The following VAPB variants were observed in gnomAD, a reference collection of about 807,000 sequenced individuals.
VAPB encodes the protein vesicle-associated membrane protein-associated protein B/C.
Under a neutral mutation model 25.6 loss-of-function variants are expected in VAPB, and 7 were observed. The observed-to-expected ratio is 0.27, with a 90% CI of 0.16 to 0.51. VAPB has a LOEUF of 0.51. VAPB is among the 20% of genes least tolerant of loss of function. The pLI, the probability that VAPB is intolerant of heterozygous loss-of-function variation, is 0.97. For synonymous variants in VAPB, 112 were observed against 109.2 expected, an observed-to-expected ratio of 1.03 and a Z score of -0.16; for missense variants, 266 against 301.3, an observed-to-expected ratio of 0.88 and a Z score of 0.87.
intron 2 of VAPB, among the ~76,000 whole-genome samples, chr20:58,429,306 A>T (rs891113638): frequency 6.6e-6 from 1 of 152,202 alleles, no homozygotes; most frequent in Non-Finnish European, 1.5e-5. Flanking sequence ...ATCTGTGTAT[A>T]TATCTCCTCA....
intron 1 of VAPB, among the ~76,000 whole-genome samples, chr20:58,392,180 C>G (rs183801426): frequency 6.6e-6 from 1 of 152,208 alleles, no homozygotes; most frequent in Non-Finnish European, 1.5e-5. Flanking sequence ...GGATGATGCT[C>G]GTGTCCACGT....
At chr20:58,422,098 A>G (rs1027276498) in intron 2 of VAPB, among the ~76,000 whole-genome samples, 1 of 152,212 alleles carries the variant, frequency 6.6e-6, no homozygotes, top group African/African-American at 2.4e-5. Context: ...GGGCTTTCCC[A>G]AAGAGTTGCT....
intron 1 of VAPB, among the ~76,000 whole-genome samples, chr20:58,397,459 C>T (rs185199949): frequency 9.3e-5 from 14 of 150,720 alleles, no homozygotes; most frequent in Admixed American, 2.0e-4. Context: ...ACGGAGGTTG[C>T]GGTGAGCCGA....
chr20:58,397,388 G>A lies in VAPB; in HGVS notation c.58+7871G>A, dbSNP rs552217457. On this transcript the variant is annotated intron_variant, in intron 1 of 5. Coordinates refer to ENST00000475243, the MANE Select transcript of VAPB (RefSeq NM_004738.5). Reference sequence around the variant, plus strand: ...TACAAAATTAGCCGGGCATGGTAGCGCATGCCTGTAATCCCAGCTACTTGG... The same window carrying A: ...TACAAAATTAGCCGGGCATGGTAGCACATGCCTGTAATCCCAGCTACTTGG... 4.0e-5 allele frequency among the ~76,000 whole-genome samples: 6 copies of A among 151,750 alleles called. No individual in the cohort carries two copies. The East Asian group carries it at 5.8e-4, about 15-fold the overall frequency.
rs757341752 is a variant in VAPB at position 58,449,438 on chromosome 20, T to G, written c.*5203T>G. 1 of 450,730 alleles carries G rather than the reference T, an allele frequency of 2.2e-6. No individual in the cohort carries two copies. The allele number at this position is 450,730 out of a possible 1,614,324, so 27.9% of individuals were successfully genotyped here. A position where few individuals can be genotyped will look rare whatever the true frequency, so the allele number is the denominator to read the frequency against. On this transcript the variant is annotated 3_prime_UTR_variant, in exon 6 of 6. Coordinates refer to ENST00000475243, the MANE Select transcript of VAPB (RefSeq NM_004738.5). ...AGGTTGTCTTCATGAATATAATTAC[T>G]TGAGATTTTTTTTTCTTAATGGAAT...
At position 58,418,277 on chromosome 20, in the gene VAPB, T is replaced by C. The variant is rs1157908324; in HGVS notation, c.125T>C (p.Phe42Ser). ...AACCCGACAGACCGAAATGTGTGTT[T>C]TAAGGTGAAGACTACAGCACCACGT... ...LGNPTDRNVC[F>S]KVKTTAPRRY... The change falls in exon 2 of 6, where the codon TTT becomes TCT. Residue 42 changes from phenylalanine (F) to serine (S), a missense_variant. By Grantham distance (155) the Phe-to-Ser change is radical. This residue lies in a region of VAPB where 98 missense variants were observed against 147.1 expected (regional missense o/e 0.67). Transcript: ENST00000475243. 6.2e-7 allele frequency: 1 copy of C among 1,614,082 alleles called. No individual in the cohort carries two copies. Among genetic ancestry groups the C allele is most frequent in the Non-Finnish European group, 8.5e-7 (1 of 1,180,038 alleles).
intron 1 of VAPB, among the ~76,000 whole-genome samples, chr20:58,402,955 A>G (rs1988134754): frequency 6.6e-6 from 1 of 152,160 alleles, no homozygotes; most frequent in Non-Finnish European, 1.5e-5. Flanking sequence ...CAGTGAGTCA[A>G]AATTATGCCA....
chr20:58,390,959 G>GA (rs1279306743), intron 1 of VAPB, among the ~76,000 whole-genome samples: 2 of 152,158 alleles, frequency 1.3e-5, no homozygotes, highest in African/African-American at 2.4e-5. Context: ...CAATTAAAAT[G>GA]AAAAAACCGA....
chr20:58,414,817 C>G (rs946603785), intron 1 of VAPB, among the ~76,000 whole-genome samples: 9 of 152,256 alleles, frequency 5.9e-5, no homozygotes, highest in African/African-American at 2.2e-4. Flanking sequence ...ACTTCCCAGA[C>G]GGGGTGGCGG....
intron 1 of VAPB, among the ~76,000 whole-genome samples, chr20:58,414,421 C>T (rs1389162904): frequency 1.3e-5 from 2 of 148,608 alleles, no homozygotes; most frequent in African/African-American, 2.5e-5. Context: ...GCTCCCCACC[C>T]CTCAGACGGG....
chr20:58,419,752 G>A (rs2123061342), intron 2 of VAPB, among the ~76,000 whole-genome samples: 1 of 152,220 alleles, frequency 6.6e-6, no homozygotes, highest in Non-Finnish European at 1.5e-5. Flanking sequence ...GACATCAAGG[G>A]CAGCTGAAAT....
chr20:58,417,249 A>T (rs1265085728), intron 1 of VAPB, among the ~76,000 whole-genome samples: 1 of 152,228 alleles, frequency 6.6e-6, no homozygotes, highest in Non-Finnish European at 1.5e-5. Context: ...AAATGAAAAA[A>T]AGCAAGTTTC....
chr20:58,418,476 A>ACCCCAC, intron 2 of VAPB, 113 bp downstream of exon 2: 2 of 1,331,476 alleles, frequency 1.5e-6, no homozygotes, highest in East Asian at 2.6e-5. Context: ...AATTCTCTCC[A>ACCCCAC]CCCCACCCCC....
intron 2 of VAPB, among the ~76,000 whole-genome samples, chr20:58,418,669 A>G (rs1001178872): frequency 1.3e-5 from 2 of 152,014 alleles, no homozygotes; most frequent in African/African-American, 4.8e-5. Context: ...TTTTGTTTTC[A>G]CTCCCTTGAA....
At chr20:58,431,558 G>GT (rs66688049) in intron 2 of VAPB, 2,495 of 146,308 alleles carry the variant, frequency 0.017, 53 homozygotes, top group African/African-American at 0.049. Context: ...TATCTTGTTT[G>GT]TTTTTTTTTT....
At chr20:58,410,677 A>T (rs912089272) in intron 1 of VAPB, among the ~76,000 whole-genome samples, 6 of 151,874 alleles carry the variant, frequency 4.0e-5, no homozygotes, top group Non-Finnish European at 5.9e-5. Context: ...CGCCCCACTC[A>T]GCCTCCCAAA....
At chr20:58,439,981 A>T (rs116180759) in intron 4 of VAPB, 17 of 152,228 alleles carry the variant, frequency 1.1e-4, no homozygotes, top group African/African-American at 3.4e-4. Context: ...AACAGTATCT[A>T]TGTTGGTCTG....
At chr20:58,398,789 G>A (rs550464780) in intron 1 of VAPB, among the ~76,000 whole-genome samples, 7 of 151,654 alleles carry the variant, frequency 4.6e-5, no homozygotes, top group African/African-American at 1.7e-4. Flanking sequence ...ATTAACCCAA[G>A]TTATGAACCT....
Position 58,407,372 on chromosome 20 carries a change from G to A in VAPB, c.59-10839G>A, listed in dbSNP as rs191061515. On this transcript the variant is annotated intron_variant, in intron 1 of 5. Coordinates refer to ENST00000475243, the MANE Select transcript of VAPB (RefSeq NM_004738.5). Reference sequence around the variant, plus strand: ...TATACAAGCATGACTATCAAGGCTGGTTTATCAGTTTTCAACAACTTTACA... The same window carrying A: ...TATACAAGCATGACTATCAAGGCTGATTTATCAGTTTTCAACAACTTTACA... Among the ~76,000 whole-genome samples the A allele has an allele frequency of 2.0e-5, 3 of 152,236 alleles. No homozygotes were observed. The East Asian group carries it at 5.8e-4, about 29-fold the overall frequency.
Sources: allele counts gnomAD v4.1 joint callset (sites outside exome capture counted in the v4.1 genomes callset), GRCh38; gene constraint gnomAD v4.1.1; regional missense constraint gnomAD v4.1.1; transcripts MANE v1.5; gene names NCBI Gene and HGNC (gene_info 2026-07-23, HGNC 2026-07-21).